The following MDGA2 variants were observed in gnomAD, a reference collection of about 807,000 sequenced individuals.
MDGA2 encodes MAM domain containing glycosylphosphatidylinositol anchor 2.
MDGA2 carries 40 observed loss-of-function variants against 117.8 expected under a neutral mutation model. That is an observed-to-expected ratio of 0.34 (90% CI 0.26 to 0.44). The LOEUF is 0.44. MDGA2 is among the 20% of genes least tolerant of loss of function. The probability of loss-of-function intolerance (pLI) is 1.00; values close to 1 mark genes in which losing one functional copy is unlikely to be tolerated. For missense variants in MDGA2, 1,123 were observed against 1,250.6 expected, an observed-to-expected ratio of 0.90 and a Z score of 1.54; for synonymous variants, 452 against 439.0, an observed-to-expected ratio of 1.03 and a Z score of -0.37.
chr14:47,400,760 T>TTC (rs199577357), intron 1 of MDGA2, among the ~76,000 whole-genome samples: 12,522 of 64,732 alleles, frequency 0.19, 1,105 homozygotes, highest in East Asian at 0.44. Flanking sequence ...TTTCTTTTCT[T>TTC]TTTTTTTTTT....
intron 7 of MDGA2, among the ~76,000 whole-genome samples, chr14:47,037,055 A>T (rs1470253337): frequency 6.6e-6 from 1 of 152,238 alleles, no homozygotes; most frequent in Non-Finnish European, 1.5e-5. Flanking sequence ...GTTCTGGTAT[A>T]CATAAACAAT....
chr14:47,010,758 T>G lies in MDGA2; in HGVS notation c.1819+24253A>C, dbSNP rs539117366. ...ATTAACACAATGTGAAATTTAAGTT[T>G]TTCTAGTCATTGAATATAAACAATT... is the stretch of plus-strand genomic sequence containing the variant. On this transcript the variant is annotated intron_variant, in intron 8 of 16. Coordinates refer to ENST00000399232, the MANE Select transcript of MDGA2 (RefSeq NM_001113498.3). 2.0e-5 allele frequency among the ~76,000 whole-genome samples: 3 copies of G among 152,196 alleles called. No individual in the cohort carries two copies. In the South Asian group the frequency reaches 6.2e-4, roughly 31 times the overall value.
chr14:47,464,548 G>A (rs1893560306), intron 1 of MDGA2, among the ~76,000 whole-genome samples: 1 of 152,016 alleles, frequency 6.6e-6, no homozygotes, highest in Non-Finnish European at 1.5e-5. Context: ...ACAGCCAAAT[G>A]AGAGCGAAAT....
chr14:46,875,806 C>G (rs1218083562), intron 12 of MDGA2, among the ~76,000 whole-genome samples: 1 of 151,520 alleles, frequency 6.6e-6, no homozygotes, highest in Non-Finnish European at 1.5e-5. Context: ...AAAAAAGAGT[C>G]ACAGAACAAA....
At chr14:46,897,232 A>G (rs1475199823) in intron 10 of MDGA2, among the ~76,000 whole-genome samples, 2 of 152,100 alleles carry the variant, frequency 1.3e-5, no homozygotes, top group African/African-American at 4.8e-5. Context: ...ATCACTCTCC[A>G]CTGAAGTGTG....
chr14:47,488,072 A>G (rs1409949379), intron 1 of MDGA2, among the ~76,000 whole-genome samples: 2 of 152,084 alleles, frequency 1.3e-5, no homozygotes, highest in African/African-American at 4.8e-5. Flanking sequence ...GGTTATCTCA[A>G]TGCTCCAAGT....
chr14:47,587,286 GAACTTAAAATAA>G (rs896771052), intron 1 of MDGA2, among the ~76,000 whole-genome samples: 2 of 151,452 alleles, frequency 1.3e-5, no homozygotes, highest in African/African-American at 4.8e-5. Context: ...GTGTACCCCA[GAACTTAAAATAA>G]AACTTAAAAT....
chr14:47,452,163 A>C lies in MDGA2; in HGVS notation c.281-150613T>G, dbSNP rs1366668246. ...CTATCACACATGTATAGGCAGGTCA[A>C]AAGTTTCTCAGTGCCCTCCCCCACC... On this transcript the variant is annotated intron_variant, in intron 1 of 16. Transcript: ENST00000399232. 3.3e-5 allele frequency among the ~76,000 whole-genome samples: 5 copies of C among 152,080 alleles called. No homozygotes were observed. The East Asian group carries it at 7.7e-4, about 24-fold the overall frequency.
chr14:47,236,311 A>AAC (rs1886862189), intron 2 of MDGA2, among the ~76,000 whole-genome samples: 1 of 150,270 alleles, frequency 6.7e-6, no homozygotes, highest in African/African-American at 2.5e-5. Flanking sequence ...AAAAAAAAAA[A>AAC]AACAACACTG....
At chr14:47,238,442 T>C (rs911304699) in intron 2 of MDGA2, among the ~76,000 whole-genome samples, 3 of 146,378 alleles carry the variant, frequency 2.0e-5, no homozygotes, top group African/African-American at 4.9e-5. Context: ...TGGGTAAGCA[T>C]TGACAAGCAG....
chr14:47,217,146 C>T (rs967474493), intron 3 of MDGA2, among the ~76,000 whole-genome samples: 1 of 151,926 alleles, frequency 6.6e-6, no homozygotes, highest in Non-Finnish European at 1.5e-5. Flanking sequence ...AACATCCTAT[C>T]CTGCAATGAA....
At chr14:47,311,820 T>A (rs1333955335) in intron 1 of MDGA2, among the ~76,000 whole-genome samples, 1 of 152,146 alleles carries the variant, frequency 6.6e-6, no homozygotes, top group African/African-American at 2.4e-5. Flanking sequence ...CAATTCTGCC[T>A]TATGCTAGAA....
At chr14:46,881,713 A>G (rs1882467268) in intron 11 of MDGA2, among the ~76,000 whole-genome samples, 2 of 152,084 alleles carry the variant, frequency 1.3e-5, no homozygotes, top group Non-Finnish European at 2.9e-5. Context: ...TACTTCTTAA[A>G]AAGTTTTAAA....
In MDGA2 at chr14:46,954,823, T is replaced by C. The variant is rs528842546; in HGVS notation, c.2089+2551A>G. ...AGCTAGCTTCCTAAAATATATATGA[T>C]TTATTTTCAACTTAAGCCATCCTTT... On this transcript the variant is annotated intron_variant, in intron 9 of 16. Transcript: ENST00000399232. Among the ~76,000 whole-genome samples, 5 of 150,802 alleles carry C rather than the reference T, an allele frequency of 3.3e-5. No homozygotes were observed. In the South Asian group the frequency reaches 8.5e-4, roughly 26 times the overall value.
At chr14:47,267,078 A>T (rs1250802264) in intron 2 of MDGA2, among the ~76,000 whole-genome samples, 1 of 152,168 alleles carries the variant, frequency 6.6e-6, no homozygotes, top group African/African-American at 2.4e-5. Context: ...CAGAGGATTA[A>T]TGAGGGATGA....
intron 2 of MDGA2, among the ~76,000 whole-genome samples, chr14:47,297,960 T>C (rs2416038): frequency 0.22 from 32,785 of 152,074 alleles, 4,437 homozygotes; most frequent in East Asian, 0.45. Flanking sequence ...AATGCTTATG[T>C]ACCAAGAATG....
intron 7 of MDGA2, among the ~76,000 whole-genome samples, chr14:47,044,843 G>A (rs1007004421): frequency 6.6e-6 from 1 of 152,122 alleles, no homozygotes; most frequent in Non-Finnish European, 1.5e-5. Context: ...CATACATAAT[G>A]ACTATTTTTG....
chr14:47,652,312 T>C (rs1487520532), intron 1 of MDGA2, among the ~76,000 whole-genome samples: 1 of 152,234 alleles, frequency 6.6e-6, no homozygotes, highest in African/African-American at 2.4e-5. Context: ...ATACAGTCCA[T>C]ATTCCTCTCA....
chr14:47,062,447 T>C (rs1395711443), intron 6 of MDGA2, among the ~76,000 whole-genome samples: 1 of 151,848 alleles, frequency 6.6e-6, no homozygotes, highest in Non-Finnish European at 1.5e-5. Flanking sequence ...ATACTCAATA[T>C]GGAAAAGCTT....
Sources: allele counts gnomAD v4.1 joint callset (sites outside exome capture counted in the v4.1 genomes callset), GRCh38; gene constraint gnomAD v4.1.1; transcripts MANE v1.5; gene names NCBI Gene and HGNC (gene_info 2026-07-23, HGNC 2026-07-21).